The following RABGAP1L variants were observed in gnomAD, a reference collection of about 807,000 sequenced individuals.
The protein encoded by RABGAP1L is RAB GTPase activating protein 1 like.
A neutral mutation model predicts 137.7 loss-of-function variants in RABGAP1L; 63 were observed. That is an observed-to-expected ratio of 0.46 (90% confidence interval 0.37 to 0.56). The LOEUF is 0.56. Ranked by LOEUF, RABGAP1L falls within the 20% of genes least tolerant of loss-of-function variation. The pLI is 0.00. For synonymous variants in RABGAP1L, 431 were observed against 433.7 expected (o/e 0.99, Z 0.08); for missense variants, 1,095 against 1,244.0 (o/e 0.88, Z 1.80).
At chr1:174,305,789 A>C (rs140975771) in intron 11 of RABGAP1L, among the ~76,000 whole-genome samples, 8 of 151,032 alleles carry the variant, frequency 5.3e-5, no homozygotes, top group African/African-American at 1.9e-4. Context: ...TTAATACTTT[A>C]AGTTCTAGGG....
chr1:174,819,187 T>TTAA (rs773995217), intron 19 of RABGAP1L, among the ~76,000 whole-genome samples: 1 of 44,840 alleles, frequency 2.2e-5, no homozygotes, highest in Non-Finnish European at 4.1e-5. Context: ...TGCCTGTCTC[T>TTAA]AAAAAAAAAA....
intron 13 of RABGAP1L, among the ~76,000 whole-genome samples, chr1:174,470,017 T>G (rs1407927165): frequency 6.6e-6 from 1 of 152,162 alleles, no homozygotes; most frequent in Non-Finnish European, 1.5e-5. Context: ...TATGAGAATT[T>G]CAGCCTAAAA....
intron 13 of RABGAP1L, among the ~76,000 whole-genome samples, chr1:174,441,287 C>T (rs1000065256): frequency 1.3e-5 from 2 of 151,746 alleles, no homozygotes; most frequent in East Asian, 3.9e-4. Flanking sequence ...GAAAATGAAG[C>T]GAATTATGCC....
At chr1:174,160,097 A>G (rs1317135690) in intron 1 of RABGAP1L, 1 of 152,096 alleles carries the variant, frequency 6.6e-6, no homozygotes, top group African/African-American at 2.4e-5. Context: ...AGGCTTCTGT[A>G]CTCGACCATT....
At chr1:174,735,824 C>A (rs1034219661) in intron 17 of RABGAP1L, among the ~76,000 whole-genome samples, 5 of 152,006 alleles carry the variant, frequency 3.3e-5, no homozygotes, top group Non-Finnish European at 7.4e-5. Context: ...ATACCACACT[C>A]TTTTAAGCAA....
At chr1:174,659,987 C>T (rs1251312962) in intron 14 of RABGAP1L, among the ~76,000 whole-genome samples, 1 of 152,144 alleles carries the variant, frequency 6.6e-6, no homozygotes, top group East Asian at 1.9e-4. Flanking sequence ...ACACGGTTTG[C>T]AGGTATTAGG....
intron 13 of RABGAP1L, among the ~76,000 whole-genome samples, chr1:174,561,299 C>G (rs908854308): frequency 6.6e-6 from 1 of 152,070 alleles, no homozygotes; most frequent in Non-Finnish European, 1.5e-5. Context: ...ATAAAACTTA[C>G]AGGGATGTGA....
In RABGAP1L at chr1:174,580,686, C is replaced by T. The variant is rs145866428; in HGVS notation, c.1711-56689C>T. Among the ~76,000 whole-genome samples the T allele has an allele frequency of 2.3e-4, 35 of 152,088 alleles. No individual in the cohort carries two copies. In the East Asian group the frequency reaches 4.6e-3, roughly 20 times the overall value. On this transcript the variant is annotated intron_variant, in intron 13 of 25. Coordinates refer to ENST00000681986, the MANE Select transcript of RABGAP1L (RefSeq NM_001366446.1). Reference sequence around the variant, plus strand: ...AGGAGATATACCTGATGTTAAGTGACGAGTTAATGGGTGCAGCGCACCAAC... The same window carrying T: ...AGGAGATATACCTGATGTTAAGTGATGAGTTAATGGGTGCAGCGCACCAAC...
intron 13 of RABGAP1L, among the ~76,000 whole-genome samples, chr1:174,441,835 C>CT (rs79368665): frequency 1.3e-3 from 180 of 138,882 alleles, no homozygotes; most frequent in East Asian, 2.5e-3. Flanking sequence ...GCTGCTGAAG[C>CT]TTTTTTTTTT....
At chr1:174,383,937 A>G (rs559940045) in intron 12 of RABGAP1L, among the ~76,000 whole-genome samples, 2 of 152,096 alleles carry the variant, frequency 1.3e-5, no homozygotes, top group Non-Finnish European at 2.9e-5. Context: ...TTCCAGTCCC[A>G]CTGCTGTGTG....
rs1672251069 is a variant in RABGAP1L, at chr1:174,619,623, A to G, written c.1711-17752A>G. On this transcript the variant is annotated intron_variant, in intron 13 of 25. Coordinates refer to ENST00000681986, the MANE Select transcript of RABGAP1L (RefSeq NM_001366446.1). ...TTGTCACCACCAGGCCTGCCCTAAAAGAGCTCCTGAAGGAAGCGCTAAACA... is the reference window on the plus strand; with the variant it reads ...TTGTCACCACCAGGCCTGCCCTAAAGGAGCTCCTGAAGGAAGCGCTAAACA... Among the ~76,000 whole-genome samples, 4 of 152,240 alleles carry G rather than the reference A, an allele frequency of 2.6e-5. No individual in the cohort carries two copies. In the South Asian group the frequency reaches 6.2e-4, roughly 24 times the overall value.
chr1:174,348,184 T>C (rs567165034), intron 11 of RABGAP1L, among the ~76,000 whole-genome samples: 1 of 151,638 alleles, frequency 6.6e-6, no homozygotes, highest in East Asian at 2.0e-4. Flanking sequence ...TTGACTTGAG[T>C]TACCCTGAAG....
chr1:174,856,246 A>C (rs1649261898), intron 19 of RABGAP1L, among the ~76,000 whole-genome samples: 1 of 152,124 alleles, frequency 6.6e-6, no homozygotes, highest in African/African-American at 2.4e-5. Context: ...ACTACAAAAA[A>C]TTAGCCGGGT....
intron 19 of RABGAP1L, among the ~76,000 whole-genome samples, chr1:174,930,179 A>C (rs1414854087): frequency 6.6e-6 from 1 of 151,930 alleles, no homozygotes; most frequent in East Asian, 1.9e-4. Flanking sequence ...CTCCTTTAAA[A>C]ATTTTTATTT....
intron 4 of RABGAP1L, among the ~76,000 whole-genome samples, chr1:174,240,447 C>T (rs546620281): frequency 5.9e-5 from 9 of 152,248 alleles, no homozygotes; most frequent in South Asian, 2.1e-4. Context: ...GGGATTTCAC[C>T]GTGTTGGTCA....
At chr1:174,935,984 C>CAAAAAAAAAA (rs58215269) in intron 19 of RABGAP1L, among the ~76,000 whole-genome samples, 2 of 43,184 alleles carry the variant, frequency 4.6e-5, no homozygotes, top group Non-Finnish European at 8.0e-5. Flanking sequence ...TCCATCTCAC[C>CAAAAAAAAAA]AAAAAAAAAA....
At chr1:174,352,410 T>C (rs74426934) in intron 11 of RABGAP1L, among the ~76,000 whole-genome samples, 9,023 of 152,136 alleles carry the variant, frequency 0.059, 938 homozygotes, top group African/African-American at 0.21. Context: ...GAATTTTTGC[T>C]TGATTTTAAA....
intron 13 of RABGAP1L, among the ~76,000 whole-genome samples, chr1:174,413,741 A>G (rs915700048): frequency 3.3e-5 from 5 of 152,042 alleles, no homozygotes; most frequent in East Asian, 1.9e-4. Context: ...CTATAGCCCT[A>G]TGCACTTCTT....
At chr1:174,680,040 T>C (rs187317506) in intron 14 of RABGAP1L, among the ~76,000 whole-genome samples, 141 of 152,192 alleles carry the variant, frequency 9.3e-4, no homozygotes, top group African/African-American at 3.1e-3. Flanking sequence ...AACACAAATA[T>C]GAACCATAAA....
Sources: gnomAD v4.1 joint callset for allele counts (sites outside exome capture counted in the v4.1 genomes callset) on GRCh38, gnomAD v4.1.1 for gene constraint, MANE v1.5 for transcripts, NCBI Gene and HGNC (gene_info 2026-07-23, HGNC 2026-07-21) for gene names.